Variants in FBXW11 observed in about 807,000 individuals in gnomAD.
FBXW11 encodes the protein F-box/WD repeat-containing protein 11.
FBXW11 carries 19 observed loss-of-function variants against 77.6 expected under a neutral mutation model. The ratio of observed to expected loss-of-function variants is 0.24; its 90% CI spans 0.17 to 0.36. The LOEUF (loss-of-function observed/expected upper bound fraction) is 0.36. Ranked by LOEUF, FBXW11 falls within the 10% of genes least tolerant of loss-of-function variation. The pLI is 1.00. For missense variants in FBXW11, 334 were observed against 704.2 expected, an observed-to-expected ratio of 0.47 and a Z score of 5.95; for synonymous variants, 235 against 249.4, an observed-to-expected ratio of 0.94 and a Z score of 0.54.
intron 1 of FBXW11, among the ~76,000 whole-genome samples, chr5:172,002,286 C>T (rs1766453887): frequency 6.6e-6 from 1 of 152,154 alleles, no homozygotes; most frequent in Non-Finnish European, 1.5e-5. Context: ...GACTTGTGTG[C>T]AGGAACATGT....
chr5:171,939,236 AAAAT>A (rs1429892452), intron 2 of FBXW11, among the ~76,000 whole-genome samples: 1 of 152,166 alleles, frequency 6.6e-6, no homozygotes, highest in Non-Finnish European at 1.5e-5. Flanking sequence ...CTCTGTCTCA[AAAAT>A]AAATAAACCA....
At chr5:171,941,277 A>G (rs2113173551) in intron 2 of FBXW11, among the ~76,000 whole-genome samples, 4 of 152,342 alleles carry the variant, frequency 2.6e-5, no homozygotes, top group Admixed American at 2.6e-4. Context: ...TTTAAACTAA[A>G]TCTAACCATA....
chr5:171,866,553 G>C (rs1757405278), intron 13 of FBXW11, among the ~76,000 whole-genome samples: 1 of 152,164 alleles, frequency 6.6e-6, no homozygotes, highest in Non-Finnish European at 1.5e-5. Context: ...AACAGCATTG[G>C]TGATCACTGC....
chr5:171,944,599 T>C (rs918436711), intron 2 of FBXW11, among the ~76,000 whole-genome samples: 8 of 130,964 alleles, frequency 6.1e-5, no homozygotes, highest in Non-Finnish European at 1.2e-4. Context: ...AAAAAACAAC[T>C]AAAAGAAAAC....
chr5:171,894,951 G>A (rs1303184205), intron 6 of FBXW11, among the ~76,000 whole-genome samples: 1 of 152,158 alleles, frequency 6.6e-6, no homozygotes, highest in African/African-American at 2.4e-5. Flanking sequence ...AAAGTGGGCT[G>A]CAACAACAAA....
At chr5:171,982,225 C>A (rs959769735) in intron 1 of FBXW11, among the ~76,000 whole-genome samples, 18 of 151,902 alleles carry the variant, frequency 1.2e-4, no homozygotes, top group African/African-American at 3.4e-4. Flanking sequence ...TACCACGCAC[C>A]CATTAGAAGG....
chr5:171,950,557 T>C lies in FBXW11; in HGVS notation c.147+7040A>G, dbSNP rs556450447. On this transcript the variant is annotated intron_variant, in intron 2 of 13. Transcript: ENST00000517395. Reference sequence around the variant, plus strand: ...AATAAAGCAAATAAGTGACCCCGTATTGTGATTTTTCTAGGGTGAGCCCAT... The same window carrying C: ...AATAAAGCAAATAAGTGACCCCGTACTGTGATTTTTCTAGGGTGAGCCCAT... Among the ~76,000 whole-genome samples the C allele has an allele frequency of 2.6e-5, 4 of 152,258 alleles. No homozygotes were observed. In the East Asian group the frequency reaches 7.7e-4, roughly 29 times the overall value.
chr5:171,883,278 C>T (rs996126368), intron 7 of FBXW11, among the ~76,000 whole-genome samples: 1 of 152,070 alleles, frequency 6.6e-6, no homozygotes, highest in East Asian at 1.9e-4. Flanking sequence ...TAAATAATGA[C>T]TTATTTTCCT....
At chr5:171,903,617 T>C (rs1267419588) in intron 4 of FBXW11, among the ~76,000 whole-genome samples, 1 of 152,136 alleles carries the variant, frequency 6.6e-6, no homozygotes, top group East Asian at 1.9e-4. Context: ...GGGGTACTTA[T>C]CTATCTTCCT....
chr5:171,870,132 T>G (rs912912131), intron 11 of FBXW11, among the ~76,000 whole-genome samples: 1 of 152,106 alleles, frequency 6.6e-6, no homozygotes, highest in African/African-American at 2.4e-5. Flanking sequence ...TAGGGCTGAG[T>G]AGGTGCTGCT....
intron 2 of FBXW11, among the ~76,000 whole-genome samples, chr5:171,925,245 C>A (rs1303358510): frequency 6.6e-6 from 1 of 152,142 alleles, no homozygotes; most frequent in Admixed American, 6.5e-5. Context: ...CCCTGAAAAA[C>A]CCTGCTAAAG....
chr5:171,869,664 G>T lies in FBXW11; in HGVS notation c.1530+65C>A. On this transcript the variant is annotated intron_variant, in intron 12 of 13. Transcript: ENST00000517395. This position sits in a 1 kb window ranked among gnomAD's most constrained non-coding sequence, Gnocchi z 4.1. ...AGCGTTCCTGTGATACACCTAGACA[G>T]GACTATCTGCAAATGGTCATCCTCC... The T allele has an allele frequency of 7.9e-7, 1 of 1,258,308 alleles. No homozygotes were observed. Among genetic ancestry groups the T allele is most frequent in the Non-Finnish European group, 1.1e-6 (1 of 888,652 alleles). 77.9% of individuals were successfully genotyped at this position (1,258,308 alleles called of 1,614,324 possible).
At chr5:171,916,642 AG>A (rs1761273600) in intron 2 of FBXW11, among the ~76,000 whole-genome samples, 1 of 152,206 alleles carries the variant, frequency 6.6e-6, no homozygotes, top group Non-Finnish European at 1.5e-5. Context: ...AGGTTTCCTC[AG>A]GGGAATAAAG....
At chr5:171,905,559 A>C (rs1432639399) in intron 4 of FBXW11, among the ~76,000 whole-genome samples, 2 of 151,522 alleles carry the variant, frequency 1.3e-5, no homozygotes, top group African/African-American at 4.9e-5. Flanking sequence ...TGCAGAAAAA[A>C]TACTACGCAT....
intron 7 of FBXW11, among the ~76,000 whole-genome samples, chr5:171,879,211 T>C (rs908442416): frequency 1.3e-5 from 2 of 152,248 alleles, no homozygotes; most frequent in African/African-American, 2.4e-5. Flanking sequence ...ATACAGTATG[T>C]AGCCTTTTTA....
At chr5:171,990,194 T>C (rs1765660857) in intron 1 of FBXW11, among the ~76,000 whole-genome samples, 2 of 152,010 alleles carry the variant, frequency 1.3e-5, no homozygotes, top group African/African-American at 4.8e-5. Context: ...GACTCAAATA[T>C]GACAAAATGT....
intron 1 of FBXW11, among the ~76,000 whole-genome samples, chr5:171,994,912 C>T (rs550376829): frequency 1.7e-4 from 26 of 152,160 alleles, no homozygotes; most frequent in Non-Finnish European, 3.5e-4. Flanking sequence ...GTGGCACGCA[C>T]CTGTAATCCC....
At chr5:171,878,587 T>A (rs1037913032) in intron 7 of FBXW11, among the ~76,000 whole-genome samples, 38 of 62,526 alleles carry the variant, frequency 6.1e-4, no homozygotes, top group Admixed American at 1.4e-3. Context: ...TGTGTGTGTG[T>A]GTGTAAGAGA....
intron 4 of FBXW11, among the ~76,000 whole-genome samples, chr5:171,909,131 A>T (rs1283032387): frequency 6.6e-6 from 1 of 152,198 alleles, no homozygotes; most frequent in African/African-American, 2.4e-5. Flanking sequence ...ATATAGAAAC[A>T]GAAAAAAATT....
Sources: allele counts gnomAD v4.1 joint callset (sites outside exome capture counted in the v4.1 genomes callset), GRCh38; gene constraint gnomAD v4.1.1; non-coding constraint Gnocchi (gnomAD v3.1); transcripts MANE v1.5; gene names NCBI Gene and HGNC (gene_info 2026-07-23, HGNC 2026-07-21).